Variants in DNM3 observed in about 807,000 individuals in gnomAD.
DNM3 encodes dynamin-3.
In DNM3, 47 loss-of-function variants were observed where a neutral mutation model predicts 101.6. The observed-to-expected ratio is 0.46, with a 90% confidence interval of 0.37 to 0.59. The LOEUF (loss-of-function observed/expected upper bound fraction) is 0.59. DNM3 is among the 20% of genes least tolerant of loss of function. DNM3 has a pLI of 0.00. For missense variants in DNM3, 849 were observed against 1,085.7 expected (o/e 0.78, Z 3.06); for synonymous variants, 385 against 387.9 (o/e 0.99, Z 0.09).
intron 4 of DNM3, among the ~76,000 whole-genome samples, chr1:172,030,491 G>C (rs1188041619): frequency 6.6e-6 from 1 of 152,022 alleles, no homozygotes; most frequent in Non-Finnish European, 1.5e-5. Flanking sequence ...CAGGACATGG[G>C]CAAAAACTTC....
chr1:172,323,353 T>G lies in DNM3; in HGVS notation c.1893+13T>G, dbSNP rs1330838698. 4 of 1,606,520 alleles carry G rather than the reference T, an allele frequency of 2.5e-6. No homozygotes were observed. Among genetic ancestry groups the G allele is most frequent in the Non-Finnish European group, 3.4e-6 (4 of 1,176,334 alleles). ...GGGGAACAACAAAGTAAGTTATTTG[T>G]CCTCTTGCAGCTCTTCTGTCCCCCC... On this transcript the variant is annotated intron_variant, in intron 17 of 20. Transcript: ENST00000627582.
chr1:171,878,036 C>G (rs929044852), intron 1 of DNM3, among the ~76,000 whole-genome samples: 4 of 152,122 alleles, frequency 2.6e-5, no homozygotes, highest in Non-Finnish European at 5.9e-5. Context: ...TGTGGCCTAT[C>G]ATGCTATCTT....
intron 2 of DNM3, among the ~76,000 whole-genome samples, chr1:171,980,767 A>ATTTTTTTTTTT (rs35033942): frequency 4.5e-5 from 5 of 110,248 alleles, no homozygotes; most frequent in African/African-American, 1.7e-4. Context: ...AAATCTACAG[A>ATTTTTTTTTTT]TTTTTTTTTT....
At chr1:172,163,195 T>C (rs2058608424) in intron 14 of DNM3, among the ~76,000 whole-genome samples, 1 of 151,908 alleles carries the variant, frequency 6.6e-6, no homozygotes, top group South Asian at 2.1e-4. Flanking sequence ...GAGATTGAGA[T>C]CTAGTCTCTT....
intron 11 of DNM3, among the ~76,000 whole-genome samples, chr1:172,070,751 G>A (rs979708955): frequency 6.6e-6 from 1 of 151,868 alleles, no homozygotes; most frequent in African/African-American, 2.4e-5. Context: ...AGACAATAGT[G>A]GTAGTTAACT....
At chr1:171,994,346 C>T (rs2045848126) in intron 4 of DNM3, among the ~76,000 whole-genome samples, 2 of 152,100 alleles carry the variant, frequency 1.3e-5, no homozygotes, top group African/African-American at 4.8e-5. Context: ...CGTGTGTGGC[C>T]ACTTAAGTCT....
chr1:172,172,708 A>G (rs138276673), intron 14 of DNM3, among the ~76,000 whole-genome samples: 3 of 151,758 alleles, frequency 2.0e-5, no homozygotes, highest in East Asian at 1.9e-4. Context: ...AGAGATAAAG[A>G]TAAGACACAA....
chr1:172,159,093 G>A (rs2058451930), intron 14 of DNM3, among the ~76,000 whole-genome samples: 1 of 151,916 alleles, frequency 6.6e-6, no homozygotes, highest in South Asian at 2.1e-4. Flanking sequence ...GGTCACATTC[G>A]TCCTTTGGAA....
At chr1:172,305,238 G>C (rs759843805) in intron 15 of DNM3, among the ~76,000 whole-genome samples, 5 of 151,972 alleles carry the variant, frequency 3.3e-5, no homozygotes, top group Admixed American at 1.3e-4. Context: ...ACTACCACCA[G>C]AGAATACTAC....
At chr1:172,265,888 G>C (rs2062840365) in intron 15 of DNM3, among the ~76,000 whole-genome samples, 1 of 152,250 alleles carries the variant, frequency 6.6e-6, no homozygotes, top group South Asian at 2.1e-4. Context: ...GGGTTGTAGA[G>C]CCTTGTTTTC....
chr1:171,943,217 T>C (rs1345519718), intron 2 of DNM3, among the ~76,000 whole-genome samples: 1 of 152,198 alleles, frequency 6.6e-6, no homozygotes, highest in African/African-American at 2.4e-5. Flanking sequence ...GAGACTAGTG[T>C]GGCCTGTAGC....
chr1:172,354,108 TGTGTGA>T (rs1165771140), intron 17 of DNM3, among the ~76,000 whole-genome samples: 658 of 30,806 alleles, frequency 0.021, 8 homozygotes, highest in African/African-American at 0.049. Flanking sequence ...TGTGTGTGTG[TGTGTGA>T]GAGAGAGAGA....
chr1:172,171,521 G>A (rs1373157474), intron 14 of DNM3, among the ~76,000 whole-genome samples: 1 of 151,696 alleles, frequency 6.6e-6, no homozygotes, highest in East Asian at 1.9e-4. Flanking sequence ...CAGAAAATAG[G>A]TTAGCTGTGC....
intron 12 of DNM3, 99 bp from the exon 13 acceptor site, chr1:172,092,725 A>ATT: frequency 1.2e-5 from 14 of 1,208,518 alleles, no homozygotes; most frequent in Admixed American, 5.9e-5. Flanking sequence ...GTCTCCATTG[A>ATT]TTTTTTTTTT....
At chr1:172,152,011 G>C (rs2058148826) in intron 14 of DNM3, among the ~76,000 whole-genome samples, 1 of 152,036 alleles carries the variant, frequency 6.6e-6, no homozygotes, top group African/African-American at 2.4e-5. Flanking sequence ...CCAAGTAGCT[G>C]GGACCACAGG....
At chr1:172,015,502 A>G (rs1055349180) in intron 4 of DNM3, among the ~76,000 whole-genome samples, 1 of 152,164 alleles carries the variant, frequency 6.6e-6, no homozygotes, top group Non-Finnish European at 1.5e-5. Context: ...TTAAATTTAT[A>G]CTTAAATATT....
At chr1:172,209,690 A>G (rs1367468408) in intron 14 of DNM3, among the ~76,000 whole-genome samples, 2 of 152,018 alleles carry the variant, frequency 1.3e-5, no homozygotes, top group African/African-American at 4.8e-5. Context: ...AGCTCCAGAA[A>G]TGGCTTGTAA....
intron 14 of DNM3, among the ~76,000 whole-genome samples, chr1:172,225,326 G>A (rs1268085797): frequency 2.0e-5 from 3 of 151,282 alleles, no homozygotes; most frequent in South Asian, 2.1e-4. Flanking sequence ...TAGTAGAGAC[G>A]GGGTTTAACC....
chr1:171,843,281 AT>A (rs978336068), intron 1 of DNM3, among the ~76,000 whole-genome samples: 1 of 151,950 alleles, frequency 6.6e-6, no homozygotes, highest in South Asian at 2.1e-4. Context: ...TCATTTTTAT[AT>A]TTTTTTTGAT....
Sources: gnomAD v4.1 joint callset for allele counts (sites outside exome capture counted in the v4.1 genomes callset) on GRCh38, gnomAD v4.1.1 for gene constraint, MANE v1.5 for transcripts, NCBI Gene and HGNC (gene_info 2026-07-23, HGNC 2026-07-21) for gene names.